ANKRD26: variants seen among roughly 807,000 people sequenced by gnomAD.
ANKRD26 encodes the protein ankyrin repeat domain 26, also known as ankyrin repeat domain-containing protein 26.
Under a neutral mutation model 208.7 loss-of-function variants are expected in ANKRD26, and 141 were observed. The ratio of observed to expected loss-of-function variants is 0.68; its 90% CI spans 0.59 to 0.78. ANKRD26 has a LOEUF of 0.78. Ranked by LOEUF, ANKRD26 falls within the 30% of genes least tolerant of loss-of-function variation. The probability of loss-of-function intolerance (pLI) is 0.00; values close to 1 mark genes in which losing one functional copy is unlikely to be tolerated. For missense variants in ANKRD26, 1,889 were observed against 1,938.7 expected (o/e 0.97, Z 0.48); for synonymous variants, 636 against 660.4 (o/e 0.96, Z 0.57).
chr10:27,094,060 C>A lies in ANKRD26; in HGVS notation c.243-261G>T, dbSNP rs74792419. ...TGCTGCTCTTGTGATAGTGAGTTCTCACAATATCTGATGGTTTCTTAAGGG... is the reference window on the plus strand; with the variant it reads ...TGCTGCTCTTGTGATAGTGAGTTCTAACAATATCTGATGGTTTCTTAAGGG... On this transcript the variant is annotated intron_variant, in intron 1 of 33. Coordinates refer to ENST00000376087, the MANE Select transcript of ANKRD26 (RefSeq NM_014915.3). Among the ~76,000 whole-genome samples, 25 of 152,186 alleles carry A rather than the reference C, an allele frequency of 1.6e-4. 1 individual carries two copies. In the East Asian group the frequency reaches 4.8e-3, roughly 29 times the overall value.
At chr10:26,959,720 T>A in the ANKRD26 span, among the ~76,000 whole-genome samples, 1 of 151,310 alleles carries the variant, frequency 6.6e-6, no homozygotes, top group Non-Finnish European at 1.5e-5. Context: ...CCTCAAGAGA[T>A]CTGTCCTCCT....
chr10:27,024,584 A>T (rs1275035375), intron 27 of ANKRD26, 25 bp from the exon 28 acceptor site: 1 of 1,286,422 alleles, frequency 7.8e-7, no homozygotes, highest in East Asian at 2.3e-5. Flanking sequence ...ATTTTCAATT[A>T]CTTTTAAAAC....
chr10:27,094,682 A>G lies in ANKRD26; in HGVS notation c.243-883T>C, dbSNP rs150359474. Among the ~76,000 whole-genome samples the G allele has an allele frequency of 5.3e-5, 8 of 152,380 alleles. No individual in the cohort carries two copies. In the South Asian group the frequency reaches 8.3e-4, roughly 16 times the overall value. ...TTTAATTAAATGAAATGATACAATTATACCTAGTTGACAGTATGTTTTAAA... is the reference window on the plus strand; with the variant it reads ...TTTAATTAAATGAAATGATACAATTGTACCTAGTTGACAGTATGTTTTAAA... On this transcript the variant is annotated intron_variant, in intron 1 of 33. Transcript: ENST00000376087.
intron 24 of ANKRD26, among the ~76,000 whole-genome samples, 180 bp downstream of exon 24, chr10:27,034,616 T>C (rs1366078182): frequency 1.3e-5 from 2 of 152,188 alleles, no homozygotes; most frequent in South Asian, 2.1e-4. Context: ...GATGATACAA[T>C]ATCTTTACTC....
At position 27,005,122 on chromosome 10, in the gene ANKRD26, G is replaced by T. The variant is rs1447093924; in HGVS notation, c.*468C>A. The T allele has an allele frequency of 1.0e-6, 1 of 984,708 alleles. No individual in the cohort carries two copies. The highest frequency in any genetic ancestry group is 1.7e-5 in the African/African-American group (1 of 57,182). The allele number at this position is 984,708 out of a possible 1,614,324, so 61.0% of individuals were successfully genotyped here. A position where few individuals can be genotyped will look rare whatever the true frequency, so the allele number is the denominator to read the frequency against. On this transcript the variant is annotated 3_prime_UTR_variant, in exon 34 of 34. Transcript: ENST00000376087. ...TCAGGCAAATCTTGTTTCTCCCTGA[G>T]AACAGCTATATAAATCAGTGCTTAA... is the stretch of plus-strand genomic sequence containing the variant.
At chr10:27,026,443 G>T (rs530305503) in intron 27 of ANKRD26, among the ~76,000 whole-genome samples, 1 of 152,256 alleles carries the variant, frequency 6.6e-6, no homozygotes, top group South Asian at 2.1e-4. Flanking sequence ...CATGTCACTT[G>T]TGTGAAAAGG....
At chr10:27,062,219 T>C (rs1244033824) in intron 12 of ANKRD26, 1 of 977,854 alleles carries the variant, frequency 1.0e-6, no homozygotes, top group African/African-American at 1.8e-5. Flanking sequence ...AATAGTTATC[T>C]TATATCTACA....
chr10:27,051,200 A>T, intron 16 of ANKRD26: 2 of 1,289,824 alleles, frequency 1.6e-6, no homozygotes, highest in Non-Finnish European at 1.0e-6. Flanking sequence ...CACGTGGTGG[A>T]GAAGACCTCA....
At chr10:26,986,598 C>T (rs1305788295) in intron 3 of ANKRD26, among the ~76,000 whole-genome samples, 5 of 152,198 alleles carry the variant, frequency 3.3e-5, no homozygotes, top group Admixed American at 1.3e-4. Context: ...AAACAAACAA[C>T]CCCATCAATA....
chr10:26,957,093 G>C, the ANKRD26 span, among the ~76,000 whole-genome samples: 2 of 152,180 alleles, frequency 1.3e-5, no homozygotes, highest in African/African-American at 2.4e-5. Context: ...GCAAAATGAA[G>C]CAGTACAACA....
intron 5 of ANKRD26, among the ~76,000 whole-genome samples, chr10:27,084,228 A>AG (rs2056033343): frequency 6.8e-6 from 1 of 146,562 alleles, no homozygotes; most frequent in African/African-American, 2.4e-5. Flanking sequence ...CAAAAAAAAA[A>AG]AAAAAAAGAA....
chr10:26,957,623 T>C, the ANKRD26 span, among the ~76,000 whole-genome samples: 11 of 152,120 alleles, frequency 7.2e-5, no homozygotes, highest in Non-Finnish European at 1.6e-4. Flanking sequence ...AAACGGAACA[T>C]TGGACCAATC....
At chr10:26,982,501 G>C (rs1053201610) in intron 4 of ANKRD26, among the ~76,000 whole-genome samples, 1 of 151,846 alleles carries the variant, frequency 6.6e-6, no homozygotes, top group African/African-American at 2.4e-5. Flanking sequence ...TCTTTTATGA[G>C]CTGGTCCCTT....
Position 27,051,665 on chromosome 10 carries a change from A to AT in ANKRD26, c.1635+1654_1635+1655insA, listed in dbSNP as rs1234098243. 1.1e-5 allele frequency: 11 copies of AT among 985,430 alleles called. No individual in the cohort carries two copies. The African/African-American group carries it at 1.9e-4, about 17-fold the overall frequency. The allele number at this position is 985,430 out of a possible 1,614,324, so 61.0% of individuals were successfully genotyped here. On this transcript the variant is annotated intron_variant, in intron 16 of 33. Transcript: ENST00000376087. ...ACTGGCAAGCATATTCTGGGGACCC[A>AT]GAGTATGAAGGAAATGAAAAGCCAT...
At chr10:27,068,868 A>G (rs1472547083) in intron 9 of ANKRD26, among the ~76,000 whole-genome samples, 1 of 152,044 alleles carries the variant, frequency 6.6e-6, no homozygotes, top group Non-Finnish European at 1.5e-5. Flanking sequence ...CCTAAAAAAA[A>G]AAAAAAAGTG....
downstream of ANKRD26, among the ~76,000 whole-genome samples, chr10:27,001,440 C>T (rs751186293): frequency 1.2e-4 from 19 of 152,058 alleles, no homozygotes; most frequent in South Asian, 6.2e-4. Flanking sequence ...GGGTCCTGGG[C>T]GGGTCTTCCA....
downstream of ANKRD26, among the ~76,000 whole-genome samples, chr10:26,990,620 T>C (rs1213192544): frequency 1.3e-5 from 2 of 152,166 alleles, no homozygotes; most frequent in South Asian, 2.1e-4. Context: ...GCCATGTCTA[T>C]GGAGTATTCC....
intron 5 of ANKRD26, among the ~76,000 whole-genome samples, chr10:27,083,665 C>T (rs1011124831): frequency 6.6e-6 from 1 of 152,158 alleles, no homozygotes; most frequent in Non-Finnish European, 1.5e-5. Flanking sequence ...AAATACTAGT[C>T]CAAGGATTAG....
intron 32 of ANKRD26, among the ~76,000 whole-genome samples, chr10:27,009,525 G>A (rs985213665): frequency 3.3e-5 from 5 of 151,936 alleles, no homozygotes; most frequent in Admixed American, 6.6e-5. Flanking sequence ...TACAGACTAT[G>A]GAAGAAAAAA....
Sources: allele counts gnomAD v4.1 joint callset (sites outside exome capture counted in the v4.1 genomes callset), GRCh38; gene constraint gnomAD v4.1.1; transcripts MANE v1.5; gene names NCBI Gene and HGNC (gene_info 2026-07-23, HGNC 2026-07-21).